Variants in UNC13B observed in about 807,000 individuals in gnomAD.
The protein encoded by UNC13B is protein unc-13 homolog B.
Under a neutral mutation model 211.0 loss-of-function variants are expected in UNC13B, and 144 were observed. That is an observed-to-expected ratio of 0.68 (90% CI 0.60 to 0.78). The LOEUF (loss-of-function observed/expected upper bound fraction) is 0.78, where lower values mean the gene tolerates loss of function less well. Among genes scored for constraint, UNC13B ranks in the 30% least tolerant of loss-of-function variants. The probability of loss-of-function intolerance (pLI) is 0.00; values close to 1 mark genes in which losing one functional copy is unlikely to be tolerated. For synonymous variants in UNC13B, 709 were observed against 725.8 expected, an observed-to-expected ratio of 0.98 and a Z score of 0.37; for missense variants, 1,777 against 2,002.0, an observed-to-expected ratio of 0.89 and a Z score of 2.14.
intron 1 of UNC13B, among the ~76,000 whole-genome samples, chr9:35,186,059 C>T (rs1822343127): frequency 1.3e-5 from 2 of 152,106 alleles, no homozygotes; most frequent in East Asian, 1.9e-4. Context: ...GGAGAAGGGG[C>T]ATCTGATATG....
At chr9:35,351,550 A>G in intron 11 of UNC13B, 5 of 1,232,418 alleles carry the variant, frequency 4.1e-6, no homozygotes, top group Non-Finnish European at 5.1e-6. Context: ...TGCAAGAGTC[A>G]GAGGAAGAAA....
intron 1 of UNC13B, among the ~76,000 whole-genome samples, chr9:35,187,975 G>T (rs1331081214): frequency 3.3e-5 from 5 of 152,136 alleles, no homozygotes; most frequent in Admixed American, 3.3e-4. Context: ...TCCAAATTTT[G>T]TTCACAAGAG....
intron 1 of UNC13B, among the ~76,000 whole-genome samples, chr9:35,187,826 A>T (rs1822442877): frequency 6.6e-6 from 1 of 152,186 alleles, no homozygotes; most frequent in Non-Finnish European, 1.5e-5. Context: ...ACAGGTCAGA[A>T]ACCCTGGACG....
chr9:35,378,562 T>A, intron 17 of UNC13B, 126 bp downstream of exon 17: 1 of 1,267,014 alleles, frequency 7.9e-7, no homozygotes, highest in African/African-American at 1.5e-5. Context: ...ATTTCTCGCA[T>A]GCTTCGTTCA....
chr9:35,334,689 A>T (rs1385740122), intron 11 of UNC13B, among the ~76,000 whole-genome samples: 4 of 152,236 alleles, frequency 2.6e-5, no homozygotes, highest in Non-Finnish European at 4.4e-5. Flanking sequence ...CTTAGCATCA[A>T]TTCCTCCTGA....
chr9:35,370,048 C>G (rs1336470987), intron 12 of UNC13B, among the ~76,000 whole-genome samples: 1 of 152,178 alleles, frequency 6.6e-6, no homozygotes, highest in Admixed American at 6.5e-5. Context: ...AATAGAAATG[C>G]CTTGAACTAT....
At position 35,398,977 on chromosome 9, in the gene UNC13B, C is replaced by T; in HGVS notation, c.12017C>T (p.Ser4006Leu). The change falls in exon 33 of 40, where the codon TCA (serine) becomes TTA (leucine). Residue 4006 changes from serine (S) to leucine (L), a missense_variant. Ser to Leu is a moderately radical substitution (Grantham distance 145). Coordinates refer to ENST00000635942, the MANE Select transcript of UNC13B (RefSeq NM_001371189.2). The stretch of plus-strand genomic sequence containing the variant: ...AATGCATCTCCAGACGCCAGGGCCT[C>T]AGCGGCTCAGGATGCAGATAGCGTA... Reference protein sequence around the residue: ...TGNASPDARASAAQDADSVLR... With the variant: ...TGNASPDARALAAQDADSVLR... 6.2e-7 allele frequency: 1 copy of T among 1,614,200 alleles called. No individual in the cohort carries two copies. The highest frequency in any genetic ancestry group is 8.5e-7 in the Non-Finnish European group (1 of 1,180,022).
intron 11 of UNC13B, among the ~76,000 whole-genome samples, chr9:35,329,375 G>A (rs1449973417): frequency 1.3e-5 from 2 of 152,180 alleles, no homozygotes; most frequent in African/African-American, 2.4e-5. Context: ...ACACAGAGAG[G>A]AAAGACCATT....
At chr9:35,316,884 A>C (rs1056135874) in intron 11 of UNC13B, among the ~76,000 whole-genome samples, 1 of 152,194 alleles carries the variant, frequency 6.6e-6, no homozygotes, top group African/African-American at 2.4e-5. Context: ...TCTATAACAA[A>C]ATATTAAAAT....
At chr9:35,232,198 T>TTTTTTTTTTTTTTTTTG (rs397941594) in intron 3 of UNC13B, among the ~76,000 whole-genome samples, 1 of 141,362 alleles carries the variant, frequency 7.1e-6, no homozygotes, top group Admixed American at 7.2e-5. Flanking sequence ...TTTTTTTTTT[T>TTTTTTTTTTTTTTTTTG]GAGGCAGGAT....
chr9:35,363,677 C>G (rs1833579441), intron 11 of UNC13B, among the ~76,000 whole-genome samples: 1 of 152,182 alleles, frequency 6.6e-6, no homozygotes, highest in South Asian at 2.1e-4. Flanking sequence ...GGTGGGTGGA[C>G]TTTCCTTACA....
intron 12 of UNC13B, among the ~76,000 whole-genome samples, chr9:35,368,643 C>A (rs1833922802): frequency 6.6e-6 from 1 of 151,818 alleles, no homozygotes; most frequent in East Asian, 1.9e-4. Flanking sequence ...ACACTGCTTT[C>A]CACAACGGTT....
chr9:35,279,840 C>G (rs1340602231), intron 7 of UNC13B, among the ~76,000 whole-genome samples: 1 of 152,132 alleles, frequency 6.6e-6, no homozygotes, highest in Non-Finnish European at 1.5e-5. Flanking sequence ...AATAGTCACC[C>G]TTCCTACAAA....
At chr9:35,340,460 G>A (rs1831919525) in intron 11 of UNC13B, among the ~76,000 whole-genome samples, 2 of 152,122 alleles carry the variant, frequency 1.3e-5, no homozygotes, top group African/African-American at 4.8e-5. Flanking sequence ...TAATTTAAAT[G>A]CTTGTTTTAT....
intron 6 of UNC13B, among the ~76,000 whole-genome samples, chr9:35,251,055 C>T (rs964546420): frequency 3.3e-5 from 5 of 150,810 alleles, no homozygotes; most frequent in African/African-American, 1.2e-4. Flanking sequence ...CTCCACCTCC[C>T]GGGTTCATGC....
intron 37 of UNC13B, among the ~76,000 whole-genome samples, chr9:35,402,299 T>TTGG (rs1836365327): frequency 6.7e-6 from 1 of 150,364 alleles, no homozygotes. Context: ...TTTTTTTTTT[T>TTGG]GAGACGGAGT....
intron 11 of UNC13B, among the ~76,000 whole-genome samples, chr9:35,330,552 T>C (rs1488244718): frequency 6.6e-6 from 1 of 152,228 alleles, no homozygotes; most frequent in African/African-American, 2.4e-5. Flanking sequence ...AGTGCTTCTC[T>C]GGGACCACCA....
chr9:35,384,227 A>G lies in UNC13B; in HGVS notation c.10807-19A>G, dbSNP rs780192357. On this transcript the variant is annotated intron_variant, in intron 21 of 39. Transcript: ENST00000635942. ...ACAGGTTCTCTTTTTCTTCCCCTTTATTTGTTTCTCACCCTCAGAAAGAGA... is the reference window on the plus strand; with the variant it reads ...ACAGGTTCTCTTTTTCTTCCCCTTTGTTTGTTTCTCACCCTCAGAAAGAGA... The G allele has an allele frequency of 6.2e-7, 1 of 1,613,516 alleles. No individual in the cohort carries two copies. The highest frequency in any genetic ancestry group is 8.5e-7 in the Non-Finnish European group (1 of 1,179,756).
chr9:35,271,458 G>GATTTGCATATTTGTATCAAAT (rs1827876019), intron 7 of UNC13B, among the ~76,000 whole-genome samples: 1 of 152,046 alleles, frequency 6.6e-6, no homozygotes, highest in Non-Finnish European at 1.5e-5. Flanking sequence ...TGTGCAATCT[G>GATTTGCATATTTGTATCAAAT]ATTTGCATAT....
Sources: allele counts gnomAD v4.1 joint callset (sites outside exome capture counted in the v4.1 genomes callset), GRCh38; gene constraint gnomAD v4.1.1; transcripts MANE v1.5; gene names NCBI Gene and HGNC (gene_info 2026-07-23, HGNC 2026-07-21).